Variants in CLEC7A observed in about 807,000 individuals in gnomAD.
CLEC7A encodes C-type lectin domain family 7 member A.
CLEC7A carries 25 observed loss-of-function variants against 26.9 expected under a neutral mutation model. The ratio of observed to expected loss-of-function variants is 0.93; its 90% CI spans 0.68 to 1.30. CLEC7A has a LOEUF of 1.30. Ranked by LOEUF, CLEC7A falls within the 50% of genes most tolerant of loss-of-function variation. The pLI is 0.00. For synonymous variants in CLEC7A, 100 were observed against 99.5 expected (o/e 1.01, Z -0.03); for missense variants, 275 against 286.7 (o/e 0.96, Z 0.29).
chr12:10,126,518 A>G, intron 3 of CLEC7A, 53 bp downstream of exon 3: 3 of 1,544,232 alleles, frequency 1.9e-6, no homozygotes, highest in South Asian at 2.5e-5. Context: ...AGGCTTCAGC[A>G]CCAAGAATTA....
chr12:10,119,464 G>A (rs750926398), intron 5 of CLEC7A, among the ~76,000 whole-genome samples: 18 of 151,888 alleles, frequency 1.2e-4, no homozygotes, highest in South Asian at 2.1e-4. Flanking sequence ...AATGCCACCC[G>A]GAAAACAAAA....
chr12:10,129,382 A>T (rs1041205857), intron 1 of CLEC7A, among the ~76,000 whole-genome samples: 1 of 152,196 alleles, frequency 6.6e-6, no homozygotes, highest in East Asian at 1.9e-4. Flanking sequence ...CTTATTACCA[A>T]TTCCTCACTG....
chr12:10,119,085 C>T (rs1043774237), intron 5 of CLEC7A, among the ~76,000 whole-genome samples: 1 of 152,126 alleles, frequency 6.6e-6, no homozygotes, highest in Non-Finnish European at 1.5e-5. Flanking sequence ...TTTAATGTAT[C>T]CTGGAAGCAG....
In CLEC7A at chr12:10,130,136, C is replaced by G; in HGVS notation, c.-54G>C. 1.2e-6 allele frequency: 1 copy of G among 833,410 alleles called. No individual in the cohort carries two copies. The highest frequency in any genetic ancestry group is 2.0e-6 in the Non-Finnish European group (1 of 494,704). 51.6% of individuals were successfully genotyped at this position (833,410 alleles called of 1,614,324 possible). ...GCATTTGGGAGCTCTTTTCTTTCTG[C>G]TCCTGAGATGACTGTCTGTGGACAA... On this transcript the variant is annotated 5_prime_UTR_variant, in exon 1 of 6. Transcript: ENST00000304084.
Position 10,130,129 on chromosome 12 carries a change from C to T in CLEC7A, c.-47G>A. On this transcript the variant is annotated 5_prime_UTR_variant, in exon 1 of 6. Coordinates refer to ENST00000304084, the MANE Select transcript of CLEC7A (RefSeq NM_197947.3). ...AGATATAGCATTTGGGAGCTCTTTTCTTTCTGCTCCTGAGATGACTGTCTG... is the reference window on the plus strand; with the variant it reads ...AGATATAGCATTTGGGAGCTCTTTTTTTTCTGCTCCTGAGATGACTGTCTG... 1.1e-6 allele frequency: 1 copy of T among 888,862 alleles called. No individual in the cohort carries two copies. The highest frequency in any genetic ancestry group is 1.8e-6 in the Non-Finnish European group (1 of 541,284). 55.1% of individuals were successfully genotyped at this position (888,862 alleles called of 1,614,324 possible).
intron 4 of CLEC7A, among the ~76,000 whole-genome samples, chr12:10,124,241 G>T (rs542665964): frequency 1.3e-5 from 2 of 152,234 alleles, no homozygotes; most frequent in South Asian, 4.1e-4. Context: ...CATATATCTA[G>T]TTCCATTAAC....
In CLEC7A at chr12:10,117,098, C is replaced by T. The variant is rs1947935142; in HGVS notation, c.*1360G>A. 1.3e-5 allele frequency: 2 copies of T among 152,004 alleles called. No homozygotes were observed. Among genetic ancestry groups the T allele is most frequent in the Non-Finnish European group, 2.9e-5 (2 of 68,004 alleles). The allele number at this position is 152,004 out of a possible 1,614,324, so 9.4% of individuals were successfully genotyped here. A position where few individuals can be genotyped will look rare whatever the true frequency, so the allele number is the denominator to read the frequency against. ...ATCACAAAACTAATAAAACATATTC[C>T]AAAATGTTAATACTTGTTCCAATGA... On this transcript the variant is annotated 3_prime_UTR_variant, in exon 6 of 6. Transcript: ENST00000304084.
At chr12:10,123,393 A>G in intron 4 of CLEC7A, 30 bp from the exon 5 acceptor site, 1 of 1,182,502 alleles carries the variant, frequency 8.5e-7, no homozygotes, top group Non-Finnish European at 1.3e-6. Context: ...AATATATAAT[A>G]AAGAGAGAGA....
chr12:10,127,222 A>T, intron 2 of CLEC7A: 1 of 1,250,166 alleles, frequency 8.0e-7, no homozygotes, highest in South Asian at 1.5e-5. Context: ...CAAAATATCG[A>T]CTTAAGACCA....
chr12:10,123,392 TAA>T (rs1948160768), intron 4 of CLEC7A, 29 bp from the exon 5 acceptor site: 2 of 1,179,330 alleles, frequency 1.7e-6, no homozygotes, highest in Non-Finnish European at 1.3e-6. Context: ...AAATATATAA[TAA>T]AGAGAGAGAG....
intron 2 of CLEC7A, chr12:10,127,282 C>T (rs548924090): frequency 2.9e-4 from 426 of 1,467,982 alleles, no homozygotes; most frequent in South Asian, 3.8e-4. Flanking sequence ...TATTAAAGAT[C>T]GGAAATAATT....
intron 4 of CLEC7A, 21 bp downstream of exon 4, chr12:10,125,276 A>C: frequency 6.2e-7 from 1 of 1,606,762 alleles, no homozygotes; most frequent in Non-Finnish European, 8.5e-7. Flanking sequence ...ACAGATAATC[A>C]TAACAGAAGT....
Position 10,128,526 on chromosome 12 carries a change from T to C in CLEC7A, c.104-681A>G, listed in dbSNP as rs550764824. Among the ~76,000 whole-genome samples the C allele has an allele frequency of 4.6e-5, 7 of 152,300 alleles. No individual in the cohort carries two copies. In the South Asian group the frequency reaches 1.4e-3, roughly 32 times the overall value. Reference sequence around the variant, plus strand: ...TTAATGTTGGGGAGATAGCACTGATTACTAAGGGTAATTTTCCCTTTTCAT... The same window carrying C: ...TTAATGTTGGGGAGATAGCACTGATCACTAAGGGTAATTTTCCCTTTTCAT... On this transcript the variant is annotated intron_variant, in intron 1 of 5. Coordinates refer to ENST00000304084, the MANE Select transcript of CLEC7A (RefSeq NM_197947.3).
rs1380537365 is a variant in CLEC7A, at chr12:10,118,571, C to T, written c.631G>A (p.Ala211Thr). 6.2e-7 allele frequency: 1 copy of T among 1,613,262 alleles called. No homozygotes were observed. The highest frequency in any genetic ancestry group is 8.5e-7 in the Non-Finnish European group (1 of 1,179,466). The change falls in exon 6 of 6, where the codon GCT (alanine) becomes ACT (threonine). Residue 211 changes from alanine to threonine, a missense_variant. Coordinates refer to ENST00000304084, the MANE Select transcript of CLEC7A (RefSeq NM_197947.3). ...SSNLFQIRTT[A>T]TQENPSPNCV... ...TTTGGAGATGGGTTTTCTTGGGTAG[C>T]TGTGGTTCTGATCTGAAATCTGTTA...
intron 1 of CLEC7A, 46 bp downstream of exon 1, chr12:10,129,934 C>A: frequency 8.6e-7 from 1 of 1,157,204 alleles, no homozygotes; most frequent in South Asian, 1.3e-5. Context: ...TATATCTTTT[C>A]AAACGGGAGA....
intron 5 of CLEC7A, among the ~76,000 whole-genome samples, chr12:10,122,472 CTTTCTTTT>C (rs2050419889): frequency 2.1e-5 from 3 of 141,550 alleles, no homozygotes; most frequent in Admixed American, 2.1e-4. Context: ...GGAAAGCACT[CTTTCTTTT>C]TTTCTTTTTT....
At chr12:10,118,680 T>C in intron 5 of CLEC7A, 90 bp from the exon 6 acceptor site, 1 of 1,124,446 alleles carries the variant, frequency 8.9e-7, no homozygotes, top group East Asian at 2.5e-5. Context: ...AGGATATTGG[T>C]GAAAAGAGTT....
Position 10,118,980 on chromosome 12 carries a change from C to A in CLEC7A, c.612-390G>T, listed in dbSNP as rs1947994729. 2.0e-5 allele frequency among the ~76,000 whole-genome samples: 3 copies of A among 151,802 alleles called. No homozygotes were observed. The South Asian group carries it at 6.2e-4, about 31-fold the overall frequency. ...TACTGGATATACTTAATGAGTAGACCAAGCAGAAGCATTAATGCTAAAACA... is the reference window on the plus strand; with the variant it reads ...TACTGGATATACTTAATGAGTAGACAAAGCAGAAGCATTAATGCTAAAACA... On this transcript the variant is annotated intron_variant, in intron 5 of 5. Transcript: ENST00000304084.
intron 3 of CLEC7A, 35 bp from the exon 4 acceptor site, chr12:10,125,483 G>T: frequency 6.4e-7 from 1 of 1,566,676 alleles, no homozygotes; most frequent in Non-Finnish European, 8.7e-7. Flanking sequence ...GAGGTTCATA[G>T]CATACCAATT....
Sources: allele counts gnomAD v4.1 joint callset (sites outside exome capture counted in the v4.1 genomes callset), GRCh38; gene constraint gnomAD v4.1.1; transcripts MANE v1.5; gene names NCBI Gene and HGNC (gene_info 2026-07-23, HGNC 2026-07-21).